Variants in PRKCD observed in about 807,000 individuals in gnomAD.
The protein encoded by PRKCD is protein kinase C delta, also known as protein kinase C delta type.
PRKCD carries 20 observed loss-of-function variants against 82.2 expected under a neutral mutation model. The observed-to-expected ratio is 0.24, with a 90% CI of 0.17 to 0.35. PRKCD has a LOEUF of 0.35. Ranked by LOEUF, PRKCD falls within the 10% of genes least tolerant of loss-of-function variation. The pLI is 1.00. For missense variants in PRKCD, 607 were observed against 899.0 expected, an observed-to-expected ratio of 0.68 and a Z score of 4.15; for synonymous variants, 317 against 337.0, an observed-to-expected ratio of 0.94 and a Z score of 0.65.
At chr3:53,164,456 A>G (rs529512187) in intron 1 of PRKCD, among the ~76,000 whole-genome samples, 43 of 152,182 alleles carry the variant, frequency 2.8e-4, no homozygotes, top group African/African-American at 1.0e-3. Context: ...GGTGGCGCGC[A>G]CCTGTAATCT....
intron 13 of PRKCD, 62 bp downstream of exon 13, chr3:53,186,402 C>T: frequency 6.3e-7 from 1 of 1,596,922 alleles, no homozygotes; most frequent in South Asian, 1.1e-5. Context: ...CTCCTCAGCC[C>T]CCCTCAGTCA....
intron 7 of PRKCD, 58 bp downstream of exon 7, chr3:53,181,790 A>G (rs1553667625): frequency 6.2e-7 from 1 of 1,611,482 alleles, no homozygotes; most frequent in Non-Finnish European, 8.5e-7. Context: ...CACGTGTGCC[A>G]GTGCCTGTGT....
chr3:53,186,416 C>T (rs1419024758), intron 13 of PRKCD, 76 bp downstream of exon 13: 1 of 1,576,192 alleles, frequency 6.3e-7, no homozygotes, highest in Non-Finnish European at 8.7e-7. Context: ...TCAGTCAGGG[C>T]TGTGTCTCCC....
intron 3 of PRKCD, 46 bp from the exon 4 acceptor site, chr3:53,179,531 G>A (rs1553666729): frequency 6.2e-7 from 1 of 1,611,982 alleles, no homozygotes; most frequent in Non-Finnish European, 8.5e-7. Flanking sequence ...ACGAGGGAGG[G>A]ACAGAGGGGC....
intron 2 of PRKCD, among the ~76,000 whole-genome samples, chr3:53,170,622 CCCTGGG>C: frequency 1.3e-5 from 2 of 152,234 alleles, no homozygotes; most frequent in African/African-American, 4.8e-5. Flanking sequence ...TTCTTCGTCT[CCCTGGG>C]TGGAAAGGCC....
At chr3:53,167,521 G>A (rs1366619203) in intron 2 of PRKCD, among the ~76,000 whole-genome samples, 4 of 152,216 alleles carry the variant, frequency 2.6e-5, no homozygotes, top group African/African-American at 9.7e-5. Context: ...ACCTGGGCAA[G>A]TGGCTCTGCC....
chr3:53,182,396 G>C (rs140792316), intron 7 of PRKCD, among the ~76,000 whole-genome samples: 245 of 152,088 alleles, frequency 1.6e-3, no homozygotes, highest in African/African-American at 5.5e-3. Context: ...AGCCTCCTGA[G>C]TAGCTGGGAT....
chr3:53,184,360 A>G (rs1173855976), intron 9 of PRKCD, among the ~76,000 whole-genome samples: 2 of 147,308 alleles, frequency 1.4e-5, no homozygotes, highest in African/African-American at 5.1e-5. Context: ...AACAACAACA[A>G]CAACAACAAA....
At chr3:53,188,103 G>A (rs1553669716) in intron 15 of PRKCD, among the ~76,000 whole-genome samples, 2 of 142,148 alleles carry the variant, frequency 1.4e-5, no homozygotes, top group Non-Finnish European at 3.0e-5. Flanking sequence ...CAGGAGAATT[G>A]CTTGAACCCG....
chr3:53,185,901 C>G, intron 11 of PRKCD, 26 bp from the exon 12 acceptor site: 1 of 1,611,552 alleles, frequency 6.2e-7, no homozygotes, highest in Non-Finnish European at 8.5e-7. Flanking sequence ...AGACCCCGAT[C>G]TGAGGAGGTG....
Position 53,183,147 on chromosome 3 carries a change from T to G in PRKCD, c.598T>G (p.Cys200Gly). Reference protein sequence around the residue: ...RQCNAAIHKKCIDKIIGRCTG... With the variant: ...RQCNAAIHKKGIDKIIGRCTG... ...ATGTAACGCTGCCATCCACAAGAAATGCATCGACAAGATCATCGGCAGATG... is the reference window on the plus strand; with the variant it reads ...ATGTAACGCTGCCATCCACAAGAAAGGCATCGACAAGATCATCGGCAGATG... Residue 200 changes from cysteine to glycine, a missense_variant, in exon 8 of 19, where the codon TGC (cysteine) becomes GGC (glycine). By Grantham distance (159) the Cys-to-Gly change is radical (BLOSUM62 -3). Transcript: ENST00000330452. The G allele has an allele frequency of 6.2e-7, 1 of 1,614,156 alleles. No individual in the cohort carries two copies. Among genetic ancestry groups the G allele is most frequent in the African/African-American group, 1.3e-5 (1 of 75,030 alleles).
At chr3:53,166,309 G>C (rs1702830631) in intron 2 of PRKCD, among the ~76,000 whole-genome samples, 1 of 152,178 alleles carries the variant, frequency 6.6e-6, no homozygotes, top group Admixed American at 6.5e-5. Flanking sequence ...GGCTGTCTAG[G>C]GGCCTCTGCC....
chr3:53,181,940 C>T (rs1575536581), intron 7 of PRKCD: 1 of 767,784 alleles, frequency 1.3e-6, no homozygotes, highest in South Asian at 1.5e-5. Context: ...CTTCCCAGCT[C>T]CGCATTCAGT....
At chr3:53,182,884 T>C (rs1553668027) in intron 7 of PRKCD, among the ~76,000 whole-genome samples, 1 of 152,200 alleles carries the variant, frequency 6.6e-6, no homozygotes. Context: ...CTAGGACTCC[T>C]TCTTTCTAAG....
chr3:53,183,578 G>A lies in PRKCD; in HGVS notation c.784G>A (p.Glu262Lys). The change falls in exon 9 of 19, where the codon GAA (glutamate) becomes AAA (lysine). Residue 262 changes from glutamate to lysine, a missense_variant. This residue lies in a region of PRKCD where 109 missense variants were observed against 155.6 expected (regional missense o/e 0.70). Transcript: ENST00000330452. Reference protein sequence around the residue: ...WGLVKQGLKCEDCGMNVHHKC... With the variant: ...WGLVKQGLKCKDCGMNVHHKC... The stretch of plus-strand genomic sequence containing the variant: ...ACTGGTGAAGCAGGGATTAAAGTGT[G>A]AAGGTGCGTGCCACCCCGCCCCTGG... The A allele has an allele frequency of 2.5e-6, 4 of 1,614,052 alleles. No individual in the cohort carries two copies. The highest frequency in any genetic ancestry group is 3.4e-6 in the Non-Finnish European group (4 of 1,179,946).
chr3:53,175,925 C>A (rs545938218), intron 2 of PRKCD, among the ~76,000 whole-genome samples: 15 of 152,336 alleles, frequency 9.8e-5, no homozygotes, highest in African/African-American at 3.4e-4. Flanking sequence ...ACCCAGATTC[C>A]TGCACATGTG....
At chr3:53,166,049 G>A (rs1325713987) in intron 2 of PRKCD, among the ~76,000 whole-genome samples, 6 of 152,138 alleles carry the variant, frequency 3.9e-5, no homozygotes, top group Non-Finnish European at 5.9e-5. Flanking sequence ...AGCAAAGACC[G>A]TCTTTCCTCC....
At chr3:53,171,981 C>T (rs1703045103) in intron 2 of PRKCD, among the ~76,000 whole-genome samples, 1 of 151,834 alleles carries the variant, frequency 6.6e-6, no homozygotes, top group African/African-American at 2.4e-5. Flanking sequence ...GGAGAGGCCA[C>T]AGGTACTGGT....
chr3:53,181,793 G>A, intron 7 of PRKCD, 61 bp downstream of exon 7: 1 of 1,610,550 alleles, frequency 6.2e-7, no homozygotes, highest in African/African-American at 1.3e-5. Context: ...GTGTGCCAGT[G>A]CCTGTGTGTA....
Sources: gnomAD v4.1 joint callset for allele counts (sites outside exome capture counted in the v4.1 genomes callset) on GRCh38, gnomAD v4.1.1 for gene constraint, gnomAD v4.1.1 regional missense constraint, MANE v1.5 for transcripts, NCBI Gene and HGNC (gene_info 2026-07-23, HGNC 2026-07-21) for gene names.